VRK2: variants seen among roughly 807,000 people sequenced by gnomAD.
VRK2 encodes the protein VRK serine/threonine kinase 2.
VRK2 carries 60 observed loss-of-function variants against 57.6 expected under a neutral mutation model. The ratio of observed to expected loss-of-function variants is 1.04; its 90% CI spans 0.85 to 1.29. VRK2 has a LOEUF of 1.29. Ranked by LOEUF, VRK2 falls within the 50% of genes most tolerant of loss-of-function variation. VRK2 has a pLI of 0.00. For missense variants in VRK2, 705 were observed against 588.1 expected (o/e 1.20, Z -2.06); for synonymous variants, 231 against 199.2 (o/e 1.16, Z -1.35).
At chr2:57,930,667 G>C (rs534535935) in intron 1 of VRK2, among the ~76,000 whole-genome samples, 1 of 152,240 alleles carries the variant, frequency 6.6e-6, no homozygotes, top group South Asian at 2.1e-4. Flanking sequence ...CAGTCACCAT[G>C]CTGTACATTA....
intron 7 of VRK2, among the ~76,000 whole-genome samples, chr2:58,122,334 A>C (rs1022478190): frequency 1.3e-5 from 2 of 152,112 alleles, no homozygotes; most frequent in African/African-American, 4.8e-5. Flanking sequence ...TTAATTTTTG[A>C]CTCCAAAAAC....
intron 2 of VRK2, among the ~76,000 whole-genome samples, chr2:58,032,358 C>G (rs1270641735): frequency 6.6e-6 from 1 of 152,016 alleles, no homozygotes; most frequent in Non-Finnish European, 1.5e-5. Context: ...ACTCCAAGAT[C>G]AAGACACTGG....
intron 1 of VRK2, among the ~76,000 whole-genome samples, chr2:57,961,172 G>A (rs1357593730): frequency 6.6e-6 from 1 of 152,180 alleles, no homozygotes; most frequent in Non-Finnish European, 1.5e-5. Flanking sequence ...AATACAAAGA[G>A]CTGGATTTCT....
At chr2:58,040,513 C>T (rs934918719) in intron 3 of VRK2, among the ~76,000 whole-genome samples, 1 of 152,150 alleles carries the variant, frequency 6.6e-6, no homozygotes, top group African/African-American at 2.4e-5. Flanking sequence ...ATTTGTTAGC[C>T]CCTGTAGTGG....
chr2:58,127,133 T>C (rs571713282), intron 8 of VRK2, among the ~76,000 whole-genome samples: 5 of 152,130 alleles, frequency 3.3e-5, no homozygotes, highest in Non-Finnish European at 7.4e-5. Flanking sequence ...GAAATAAATA[T>C]ATTGCATACT....
In VRK2 at chr2:58,146,365, G is replaced by C. The variant is rs146351868; in HGVS notation, c.1073G>C (p.Arg358Thr). 3.1e-6 allele frequency: 5 copies of C among 1,611,350 alleles called. No homozygotes were observed. The East Asian group carries it at 1.1e-4, about 36-fold the overall frequency. ...AAGCAAGTCAACAAGGCACACAATA[G>C]GTTAATCGAAAAAAAAGTCCACAGT... Reference protein sequence around the residue: ...ATKQVNKAHNRLIEKKVHSER... With the variant: ...ATKQVNKAHNTLIEKKVHSER... The change falls in exon 12 of 13, where the codon AGG (arginine) becomes ACG (threonine). Residue 358 changes from arginine to threonine, a missense_variant. Physicochemically the swap from Arg to Thr is moderately conservative, Grantham distance 71 (BLOSUM62 -1). Transcript: ENST00000340157.
chr2:58,156,030 C>A (rs1426751129), intron 12 of VRK2, among the ~76,000 whole-genome samples: 1 of 151,476 alleles, frequency 6.6e-6, no homozygotes, highest in Non-Finnish European at 1.5e-5. Context: ...GGTGGAGACT[C>A]AAGGGAGGGT....
In VRK2 at chr2:58,159,864, A is replaced by G; in HGVS notation, c.*171A>G. ...ACTCTAAAAAATAAAATTGCTTTGTACTAGAAATAGTGTCATAGAATAGTG... is the reference window on the plus strand; with the variant it reads ...ACTCTAAAAAATAAAATTGCTTTGTGCTAGAAATAGTGTCATAGAATAGTG... On this transcript the variant is annotated 3_prime_UTR_variant, in exon 13 of 13. Transcript: ENST00000340157. 1 of 1,603,024 alleles carries G rather than the reference A, an allele frequency of 6.2e-7. No homozygotes were observed. The highest frequency in any genetic ancestry group is 8.5e-7 in the Non-Finnish European group (1 of 1,175,464).
rs554801438 is a variant in VRK2, at chr2:58,081,518, T to C, written c.137-2571T>C. On this transcript the variant is annotated intron_variant, in intron 2 of 12. Transcript: ENST00000340157. Reference sequence around the variant, plus strand: ...TCTATTAAATTGTTTAGATGTTCTTTGTTATCTTCTTTGCTCCTCTACTGA... The same window carrying C: ...TCTATTAAATTGTTTAGATGTTCTTCGTTATCTTCTTTGCTCCTCTACTGA... 1.1e-3 allele frequency among the ~76,000 whole-genome samples: 172 copies of C among 152,112 alleles called. 1 individual carries two copies. The highest frequency in any genetic ancestry group is 3.9e-3 in the African/African-American group (163 of 41,546).
At chr2:57,976,853 G>A (rs1672266416) in intron 1 of VRK2, among the ~76,000 whole-genome samples, 1 of 152,066 alleles carries the variant, frequency 6.6e-6, no homozygotes, top group African/African-American at 2.4e-5. Context: ...ATAGTTTCAG[G>A]TCTTATATTT....
At chr2:58,149,996 C>CTTTTTTT (rs55783668) in intron 12 of VRK2, among the ~76,000 whole-genome samples, 4 of 108,346 alleles carry the variant, frequency 3.7e-5, no homozygotes, top group East Asian at 2.5e-4. Flanking sequence ...TTTTTCTTTT[C>CTTTTTTT]TTTTTTTTTT....
At chr2:58,047,465 C>T (rs1459521477) in intron 1 of VRK2, 4 of 985,292 alleles carry the variant, frequency 4.1e-6, no homozygotes, top group Non-Finnish European at 4.8e-6. Flanking sequence ...GACTCGCCCC[C>T]AGGATGTACA....
At chr2:58,135,800 G>C (rs1018910960) in intron 10 of VRK2, among the ~76,000 whole-genome samples, 4 of 152,066 alleles carry the variant, frequency 2.6e-5, no homozygotes, top group African/African-American at 9.7e-5. Flanking sequence ...AAAATAGCAC[G>C]TCAACTAGTA....
At chr2:57,978,179 G>A (rs75221128) in intron 1 of VRK2, among the ~76,000 whole-genome samples, 1,567 of 151,090 alleles carry the variant, frequency 0.01, 81 homozygotes, top group Admixed American at 0.075. Context: ...AACATACTTG[G>A]TGCTGATTCC....
intron 2 of VRK2, among the ~76,000 whole-genome samples, chr2:58,054,619 A>AT (rs1676245137): frequency 6.6e-6 from 1 of 152,170 alleles, no homozygotes; most frequent in East Asian, 1.9e-4. Flanking sequence ...AGACACAGGA[A>AT]TATCTATATC....
At chr2:58,033,193 C>G (rs1674168405) in intron 2 of VRK2, 1 of 152,026 alleles carries the variant, frequency 6.6e-6, no homozygotes. Flanking sequence ...GTTTACAACT[C>G]TGTGGTTGAC....
At chr2:57,971,235 C>G (rs975128793) in intron 1 of VRK2, among the ~76,000 whole-genome samples, 7 of 151,930 alleles carry the variant, frequency 4.6e-5, no homozygotes, top group South Asian at 2.1e-4. Context: ...TGCAAGAGCC[C>G]TCTCCTAGTG....
rs750468550 is a variant in VRK2, at chr2:58,147,217, C to A, written c.1182+743C>A. On this transcript the variant is annotated intron_variant, in intron 12 of 12. Coordinates refer to ENST00000340157, the MANE Select transcript of VRK2 (RefSeq NM_006296.7). Reference sequence around the variant, plus strand: ...GAGCACTGAATTTGGCTCTGAACTTCTTGACAGCCGAGGCAAAAATTAGAA... The same window carrying A: ...GAGCACTGAATTTGGCTCTGAACTTATTGACAGCCGAGGCAAAAATTAGAA... 1.5e-5 allele frequency: 8 copies of A among 517,218 alleles called. No individual in the cohort carries two copies. The East Asian group carries it at 2.7e-4, about 18-fold the overall frequency. 32.0% of individuals were successfully genotyped at this position (517,218 alleles called of 1,614,324 possible). A position where few individuals can be genotyped will look rare whatever the true frequency, so the allele number is the denominator to read the frequency against.
intron 7 of VRK2, among the ~76,000 whole-genome samples, chr2:58,101,130 C>G (rs952552609): frequency 6.6e-6 from 1 of 151,616 alleles, no homozygotes; most frequent in East Asian, 1.9e-4. Context: ...ATTTAGAATC[C>G]ATGGTTTCGA....
Sources: gnomAD v4.1 joint callset for allele counts (sites outside exome capture counted in the v4.1 genomes callset) on GRCh38, gnomAD v4.1.1 for gene constraint, MANE v1.5 for transcripts, NCBI Gene and HGNC (gene_info 2026-07-23, HGNC 2026-07-21) for gene names.